The following TIMP2 variants were observed in gnomAD, a reference collection of about 807,000 sequenced individuals.
The protein encoded by TIMP2 is TIMP metallopeptidase inhibitor 2, also known as metalloproteinase inhibitor 2.
TIMP2 carries 5 observed loss-of-function variants against 24.3 expected under a neutral mutation model. The ratio of observed to expected loss-of-function variants is 0.21; its 90% CI spans 0.11 to 0.43. TIMP2 has a LOEUF of 0.43. Among genes scored for constraint, TIMP2 ranks in the 20% least tolerant of loss-of-function variants. The pLI is 1.00. For missense variants in TIMP2, 221 were observed against 297.5 expected, an observed-to-expected ratio of 0.74 and a Z score of 1.89; for synonymous variants, 130 against 123.2, an observed-to-expected ratio of 1.06 and a Z score of -0.37.
chr17:78,906,093 C>T lies in TIMP2; in HGVS notation c.130+18866G>A, dbSNP rs370406450. ...CTTAATTTACAAATACTTTATTGGC[C>T]GGGGCAGTGGCTCACGCCTGTCATC... On this transcript the variant is annotated intron_variant, in intron 1 of 4. Coordinates refer to ENST00000262768, the MANE Select transcript of TIMP2 (RefSeq NM_003255.5). 1.2e-4 allele frequency among the ~76,000 whole-genome samples: 19 copies of T among 152,130 alleles called. No individual in the cohort carries two copies. The East Asian group carries it at 1.9e-3, about 15-fold the overall frequency.
chr17:78,917,786 T>C (rs2070272278), intron 1 of TIMP2, among the ~76,000 whole-genome samples: 3 of 152,024 alleles, frequency 2.0e-5, no homozygotes, highest in African/African-American at 7.3e-5. Flanking sequence ...TGGTTACAGG[T>C]CTGCCTCGGA....
At position 78,873,814 on chromosome 17, in the gene TIMP2, A is replaced by G. The variant is rs1444767141; in HGVS notation, c.231+5T>C. ...GCAGCCCGGGATGCCGGCAGCCACT[A>G]TTACCTTTATCTGCTTGATCTCATA... On this transcript the variant is annotated splice_donor_5th_base_variant and intron_variant, in intron 2 of 4. Transcript: ENST00000262768. 6.2e-7 allele frequency: 1 copy of G among 1,611,412 alleles called. No individual in the cohort carries two copies. The highest frequency in any genetic ancestry group is 8.5e-7 in the Non-Finnish European group (1 of 1,179,370).
At chr17:78,873,782 C>G in intron 2 of TIMP2, 37 bp downstream of exon 2, 1 of 1,574,568 alleles carries the variant, frequency 6.4e-7, no homozygotes, top group Non-Finnish European at 8.7e-7. Flanking sequence ...ACAGCTGTGC[C>G]CACAGTGCAG....
chr17:78,922,049 T>G (rs7212662), intron 1 of TIMP2, among the ~76,000 whole-genome samples: 59,472 of 151,374 alleles, frequency 0.39, 12,466 homozygotes, highest in Middle Eastern at 0.48. Context: ...GTCACAGCCC[T>G]GGTTAAATCA....
intron 1 of TIMP2, among the ~76,000 whole-genome samples, chr17:78,893,921 A>G (rs1156872842): frequency 1.3e-5 from 2 of 152,140 alleles, no homozygotes; most frequent in Non-Finnish European, 2.9e-5. Flanking sequence ...AAACAGCCAG[A>G]TCTGTGAGCT....
intron 1 of TIMP2, among the ~76,000 whole-genome samples, chr17:78,894,200 C>G (rs530938048): frequency 6.6e-6 from 1 of 151,994 alleles, no homozygotes; most frequent in Admixed American, 6.6e-5. Context: ...CCTACCCCCC[C>G]CGGTTCACAG....
At chr17:78,860,834 G>A (rs1320550665) in intron 3 of TIMP2, among the ~76,000 whole-genome samples, 2 of 151,994 alleles carry the variant, frequency 1.3e-5, no homozygotes, top group Non-Finnish European at 2.9e-5. Context: ...TCAGGAGTTC[G>A]AGACCAACCT....
chr17:78,883,875 C>A (rs568984962), intron 1 of TIMP2, among the ~76,000 whole-genome samples: 1 of 152,226 alleles, frequency 6.6e-6, no homozygotes, highest in Non-Finnish European at 1.5e-5. Flanking sequence ...TCGGGGCCCA[C>A]GTCCCGCTGC....
At chr17:78,859,637 G>A (rs982176371) in intron 3 of TIMP2, among the ~76,000 whole-genome samples, 4 of 151,392 alleles carry the variant, frequency 2.6e-5, no homozygotes, top group Admixed American at 1.3e-4. Context: ...ACTCCAGCCT[G>A]GGCGACAGAG....
In TIMP2 at chr17:78,920,174, G is replaced by A. The variant is rs762155253; in HGVS notation, c.130+4785C>T. ...CTGCCCGCGCCTCTCAGTCTCCCAG[G>A]AGTCATCTATGCCCTGTTCTCCATG... is the stretch of plus-strand genomic sequence containing the variant. On this transcript the variant is annotated intron_variant, in intron 1 of 4. Transcript: ENST00000262768. The surrounding 1 kb of genome is among the most constrained non-coding windows in gnomAD (Gnocchi z 4.5). Among the ~76,000 whole-genome samples, 1 of 152,136 alleles carries A rather than the reference G, an allele frequency of 6.6e-6. No individual in the cohort carries two copies. Among genetic ancestry groups the A allele is most frequent in the Non-Finnish European group, 1.5e-5 (1 of 68,026 alleles).
intron 3 of TIMP2, among the ~76,000 whole-genome samples, chr17:78,863,103 T>C (rs2069580499): frequency 1.3e-5 from 2 of 152,258 alleles, no homozygotes; most frequent in Admixed American, 6.5e-5. Flanking sequence ...TGCTAGTTGC[T>C]TTCTCAGTTC....
At chr17:78,923,552 G>A (rs1210831484) in intron 1 of TIMP2, among the ~76,000 whole-genome samples, 1 of 152,148 alleles carries the variant, frequency 6.6e-6, no homozygotes, top group Non-Finnish European at 1.5e-5. Context: ...TGCACTCCTC[G>A]TGGACCCCCA....
chr17:78,918,080 A>ACACTCT (rs1555652989), intron 1 of TIMP2, among the ~76,000 whole-genome samples: 1 of 150,732 alleles, frequency 6.6e-6, no homozygotes, highest in African/African-American at 2.4e-5. Flanking sequence ...ACACACACAC[A>ACACTCT]CACACACACA....
At chr17:78,916,174 G>A (rs2070256314) in intron 1 of TIMP2, among the ~76,000 whole-genome samples, 1 of 152,164 alleles carries the variant, frequency 6.6e-6, no homozygotes, top group Non-Finnish European at 1.5e-5. Flanking sequence ...CTGGGAGGCA[G>A]GAAATTCGCC....
At position 78,854,380 on chromosome 17, in the gene TIMP2, T is replaced by C. The variant is rs998843100; in HGVS notation, c.*1287A>G. ...TTCCCTAGTTCCCTAGGAAGTTTCT[T>C]AGCTAGGTAATCTTTGTCATTTAAG... On this transcript the variant is annotated 3_prime_UTR_variant, in exon 5 of 5. Transcript: ENST00000262768. 1 of 151,840 alleles carries C rather than the reference T, an allele frequency of 6.6e-6. No homozygotes were observed. Among genetic ancestry groups the C allele is most frequent in the African/African-American group, 2.4e-5 (1 of 41,340 alleles). 9.4% of individuals were successfully genotyped at this position (151,840 alleles called of 1,614,324 possible). A position where few individuals can be genotyped will look rare whatever the true frequency, so the allele number is the denominator to read the frequency against.
intron 3 of TIMP2, 106 bp downstream of exon 3, chr17:78,870,792 A>T: frequency 1.1e-6 from 1 of 881,724 alleles, no homozygotes; most frequent in Non-Finnish European, 1.8e-6. Flanking sequence ...TTCCTCAGCT[A>T]CTCCGCCTCC....
At chr17:78,878,175 A>G (rs1349330704) in intron 1 of TIMP2, among the ~76,000 whole-genome samples, 1 of 152,118 alleles carries the variant, frequency 6.6e-6, no homozygotes, top group Non-Finnish European at 1.5e-5. Flanking sequence ...TCTTACAAAA[A>G]CGCCTAAGGC....
At chr17:78,897,418 A>G (rs2070019782) in intron 1 of TIMP2, 1 of 152,116 alleles carries the variant, frequency 6.6e-6, no homozygotes, top group African/African-American at 2.4e-5. Flanking sequence ...CCCAGTCCCC[A>G]CCAGGTGCAT....
At chr17:78,881,149 G>T (rs899598880) in intron 1 of TIMP2, among the ~76,000 whole-genome samples, 1 of 152,228 alleles carries the variant, frequency 6.6e-6, no homozygotes, top group Non-Finnish European at 1.5e-5. Flanking sequence ...CACTGACTCG[G>T]ACTGGGAGGG....
Sources: gnomAD v4.1 joint callset for allele counts (sites outside exome capture counted in the v4.1 genomes callset) on GRCh38, gnomAD v4.1.1 for gene constraint, Gnocchi (gnomAD v3.1) non-coding constraint, MANE v1.5 for transcripts, NCBI Gene and HGNC (gene_info 2026-07-23, HGNC 2026-07-21) for gene names.